GXYLT2: variants seen among roughly 807,000 people sequenced by gnomAD.
The protein encoded by GXYLT2 is glycosyltransferase 8 domain containing 4.
A neutral mutation model predicts 45.8 loss-of-function variants in GXYLT2; 53 were observed. The observed-to-expected ratio is 1.16, with a 90% confidence interval of 0.93 to 1.46. GXYLT2 has a LOEUF of 1.46. Ranked by LOEUF, GXYLT2 falls within the 40% of genes most tolerant of loss-of-function variation. GXYLT2 has a pLI of 0.00. For missense variants in GXYLT2, 551 were observed against 544.4 expected (o/e 1.01, Z -0.12); for synonymous variants, 219 against 214.2 (o/e 1.02, Z -0.19).
At chr3:72,933,878 C>G (rs142153133) in intron 3 of GXYLT2, among the ~76,000 whole-genome samples, 1 of 151,642 alleles carries the variant, frequency 6.6e-6, no homozygotes, top group Admixed American at 6.6e-5. Flanking sequence ...CACTCCAACT[C>G]GGGCAACAGA....
chr3:72,932,038 G>A, intron 3 of GXYLT2, among the ~76,000 whole-genome samples: 1 of 151,394 alleles, frequency 6.6e-6, no homozygotes, highest in African/African-American at 2.4e-5. Flanking sequence ...AGATGAAATG[G>A]ACAAATTTGA....
intron 6 of GXYLT2, among the ~76,000 whole-genome samples, chr3:72,970,978 T>C (rs1315907659): frequency 6.6e-6 from 1 of 152,238 alleles, no homozygotes; most frequent in African/African-American, 2.4e-5. Flanking sequence ...GCCAGGTGAT[T>C]TAATTATGCA....
chr3:72,895,168 A>G (rs977504568), intron 1 of GXYLT2, among the ~76,000 whole-genome samples: 5 of 152,190 alleles, frequency 3.3e-5, no homozygotes, highest in African/African-American at 1.2e-4. Flanking sequence ...CTGTTCTGCA[A>G]TAGGAGCTCA....
intron 2 of GXYLT2, among the ~76,000 whole-genome samples, chr3:72,913,046 T>C (rs1215180622): frequency 6.6e-6 from 1 of 151,212 alleles, no homozygotes; most frequent in Non-Finnish European, 1.5e-5. Context: ...TTTTTTTTTT[T>C]GTTTTTTTTG....
rs1008714710 is a variant in GXYLT2, at chr3:72,888,205, G to A, written c.-29G>A. 4 of 984,990 alleles carry A rather than the reference G, an allele frequency of 4.1e-6. No homozygotes were observed. Among genetic ancestry groups the A allele is most frequent in the South Asian group, 9.0e-5 (2 of 22,178 alleles). The allele number at this position is 984,990 out of a possible 1,614,324, so 61.0% of individuals were successfully genotyped here. On this transcript the variant is annotated 5_prime_UTR_variant, in exon 1 of 7. Transcript: ENST00000389617. ...GATGCGCAGAGGGGCCGAGCCGCCT[G>A]GGGGCCGCCGCCGCCGCCGCGCCGC...
At chr3:72,930,383 T>G (rs1238492737) in intron 3 of GXYLT2, among the ~76,000 whole-genome samples, 1 of 151,216 alleles carries the variant, frequency 6.6e-6, no homozygotes, top group African/African-American at 2.4e-5. Flanking sequence ...GTGCCTATAG[T>G]CCCAGCTACT....
rs111688077 is a variant in GXYLT2, at chr3:72,924,226, C to T, written c.600+1891C>T. ...TTTTTTTTTAAGAGATAAGGTCACTCTCTGTCGCCCCTGCTGGAGTGCAGT... is the reference window on the plus strand; with the variant it reads ...TTTTTTTTTAAGAGATAAGGTCACTTTCTGTCGCCCCTGCTGGAGTGCAGT... On this transcript the variant is annotated intron_variant, in intron 3 of 6. Coordinates refer to ENST00000389617, the MANE Select transcript of GXYLT2 (RefSeq NM_001080393.2). Among the ~76,000 whole-genome samples the T allele has an allele frequency of 8.3e-4, 123 of 148,876 alleles. 1 individual carries two copies. The highest frequency in any genetic ancestry group is 2.8e-3 in the African/African-American group (112 of 40,196).
At chr3:72,925,591 GA>G (rs2067104009) in intron 3 of GXYLT2, among the ~76,000 whole-genome samples, 1 of 152,122 alleles carries the variant, frequency 6.6e-6, no homozygotes, top group South Asian at 2.1e-4. Flanking sequence ...TGAGGTGAGA[GA>G]AAATGTTAGG....
intron 3 of GXYLT2, among the ~76,000 whole-genome samples, chr3:72,923,005 A>G (rs1575791554): frequency 2.6e-5 from 4 of 152,116 alleles, no homozygotes; most frequent in Admixed American, 2.6e-4. Flanking sequence ...CTATAATCCC[A>G]GCACTTTGGG....
At chr3:72,899,752 T>C (rs1384399019) in intron 1 of GXYLT2, among the ~76,000 whole-genome samples, 1 of 152,190 alleles carries the variant, frequency 6.6e-6, no homozygotes, top group Non-Finnish European at 1.5e-5. Flanking sequence ...TTGCAGACTT[T>C]CTCCTTGTTA....
At chr3:72,898,410 C>G (rs1379143087) in intron 1 of GXYLT2, among the ~76,000 whole-genome samples, 1 of 152,074 alleles carries the variant, frequency 6.6e-6, no homozygotes, top group African/African-American at 2.4e-5. Flanking sequence ...TTTAAAATCT[C>G]AATAACATGT....
At chr3:72,901,554 C>CTTTTTTTTT (rs71124002) in intron 1 of GXYLT2, among the ~76,000 whole-genome samples, 2 of 77,172 alleles carry the variant, frequency 2.6e-5, no homozygotes, top group African/African-American at 1.2e-4. Context: ...AACATTTTCG[C>CTTTTTTTTT]TTTTTTTTTT....
Position 72,888,483 on chromosome 3 carries a change from G to A in GXYLT2, c.250G>A (p.Ala84Thr), listed in dbSNP as rs1709112061. ...RPRPRAGRRG[A>T]ARLEKLARRP... ...GCGCCCCCGAGCGGGCCGCCGGGGC[G>A]CTGCGAGACTGGAGAAGTTGGCGAG... The change falls in exon 1 of 7, where the codon GCT (alanine) becomes ACT (threonine). Residue 84 changes from alanine (A) to threonine (T), a missense_variant. Ala to Thr is a moderately conservative substitution (Grantham distance 58). Coordinates refer to ENST00000389617, the MANE Select transcript of GXYLT2 (RefSeq NM_001080393.2). 1.6e-6 allele frequency: 2 copies of A among 1,252,028 alleles called. No individual in the cohort carries two copies. The highest frequency in any genetic ancestry group is 3.7e-5 in the Admixed American group (1 of 26,978). 77.6% of individuals were successfully genotyped at this position (1,252,028 alleles called of 1,614,324 possible). A position where few individuals can be genotyped will look rare whatever the true frequency, so the allele number is the denominator to read the frequency against.
chr3:72,915,431 A>G (rs541198389), intron 2 of GXYLT2, among the ~76,000 whole-genome samples: 2 of 145,754 alleles, frequency 1.4e-5, no homozygotes, highest in African/African-American at 5.1e-5. Flanking sequence ...TTAAAGACGT[A>G]TACAATCGGA....
chr3:72,888,473 C>G lies in GXYLT2; in HGVS notation c.240C>G (p.Gly80=), dbSNP rs1335267404. ...RRPPRPRPRA[G]RRGAARLEKL... Reference sequence around the variant, plus strand: ...CCCCGCGTCCGCGCCCCCGAGCGGGCCGCCGGGGCGCTGCGAGACTGGAGA... The same window carrying G: ...CCCCGCGTCCGCGCCCCCGAGCGGGGCGCCGGGGCGCTGCGAGACTGGAGA... The change falls in exon 1 of 7, where the codon GGC becomes GGG. Residue 80 remains glycine (G), a synonymous_variant. Transcript: ENST00000389617. The G allele has an allele frequency of 8.0e-7, 1 of 1,248,730 alleles. No individual in the cohort carries two copies. Among genetic ancestry groups the G allele is most frequent in the African/African-American group, 1.6e-5 (1 of 63,344 alleles). The allele number at this position is 1,248,730 out of a possible 1,614,324, so 77.4% of individuals were successfully genotyped here. A position where few individuals can be genotyped will look rare whatever the true frequency, so the allele number is the denominator to read the frequency against.
In GXYLT2 at chr3:72,967,650, T is replaced by C; in HGVS notation, c.1080T>C (p.His360=). The change falls in exon 6 of 7, where the codon CAT becomes CAC. Residue 360 remains histidine (H), a synonymous_variant. Coordinates refer to ENST00000389617, the MANE Select transcript of GXYLT2 (RefSeq NM_001080393.2). ...AGCATGAAGGTGTGTCTGTTCTGCATGGAAACCGAGGCGTCTACCATGACG... is the reference window on the plus strand; with the variant it reads ...AGCATGAAGGTGTGTCTGTTCTGCACGGAAACCGAGGCGTCTACCATGACG... ...EAEHEGVSVL[H]GNRGVYHDDK... 5 of 1,613,960 alleles carry C rather than the reference T, an allele frequency of 3.1e-6. No homozygotes were observed. The highest frequency in any genetic ancestry group is 4.2e-6 in the Non-Finnish European group (5 of 1,179,858).
chr3:72,915,927 A>G (rs1048721615), intron 2 of GXYLT2, among the ~76,000 whole-genome samples: 1 of 151,862 alleles, frequency 6.6e-6, no homozygotes, highest in African/African-American at 2.4e-5. Flanking sequence ...GGACTTGGGA[A>G]AGGTAACGGC....
chr3:72,927,946 C>G (rs1709951353), intron 3 of GXYLT2, among the ~76,000 whole-genome samples: 1 of 152,208 alleles, frequency 6.6e-6, no homozygotes, highest in Non-Finnish European at 1.5e-5. Context: ...AATTTATTGG[C>G]TTATCTAACT....
intron 3 of GXYLT2, among the ~76,000 whole-genome samples, chr3:72,939,239 A>C (rs1710250407): frequency 6.6e-6 from 1 of 152,076 alleles, no homozygotes; most frequent in African/African-American, 2.4e-5. Context: ...TAAAACAGAA[A>C]AGATCATGAC....
Sources: allele counts gnomAD v4.1 joint callset (sites outside exome capture counted in the v4.1 genomes callset), GRCh38; gene constraint gnomAD v4.1.1; transcripts MANE v1.5; gene names NCBI Gene and HGNC (gene_info 2026-07-23, HGNC 2026-07-21).